REPS2: variants seen among roughly 807,000 people sequenced by gnomAD.
The protein encoded by REPS2 is ralBP1-associated Eps domain-containing protein 2.
REPS2 carries 23 observed loss-of-function variants against 53.6 expected under a neutral mutation model. The ratio of observed to expected loss-of-function variants is 0.43; its 90% CI spans 0.31 to 0.61. The LOEUF (loss-of-function observed/expected upper bound fraction) is 0.61, where lower values mean the gene tolerates loss of function less well. Among genes scored for constraint, REPS2 ranks in the 20% least tolerant of loss-of-function variants. The probability of loss-of-function intolerance (pLI) is 0.11; values close to 1 mark genes in which losing one functional copy is unlikely to be tolerated. For missense variants in REPS2, 446 were observed against 534.9 expected, an observed-to-expected ratio of 0.83 and a Z score of 1.64; for synonymous variants, 238 against 218.6, an observed-to-expected ratio of 1.09 and a Z score of -0.78.
intron 17 of REPS2, among the ~76,000 whole-genome samples, chrX:17,146,087 C>T (rs1373888700): frequency 8.9e-5 from 9 of 100,761 alleles, no homozygotes; most frequent in African/African-American, 2.2e-4. Flanking sequence ...CCAGCCTGGG[C>T]GACAGAGTGA....
chrX:17,146,097 A>C (rs1377365623), intron 17 of REPS2, among the ~76,000 whole-genome samples: 1 of 102,967 alleles, frequency 9.7e-6, no homozygotes, highest in Non-Finnish European at 2.0e-5. Flanking sequence ...CGACAGAGTG[A>C]GACTCTGTCT....
chrX:17,122,794 A>C (rs2063157920), intron 14 of REPS2, among the ~76,000 whole-genome samples: 1 of 111,969 alleles, frequency 8.9e-6, no homozygotes, highest in African/African-American at 3.3e-5. Flanking sequence ...CATTATTCTG[A>C]TGGACATGGC....
chrX:16,981,974 T>A (rs1354383146), intron 1 of REPS2, among the ~76,000 whole-genome samples: 1 of 111,067 alleles, frequency 9.0e-6, no homozygotes, highest in Non-Finnish European at 1.9e-5. Flanking sequence ...TGCCCCCCAG[T>A]TTTCTAACCC....
chrX:17,147,489 A>G lies in REPS2; in HGVS notation c.*8A>G, dbSNP rs754348932. The G allele has an allele frequency of 6.8e-6, 8 of 1,180,212 alleles. No homozygotes were observed. The highest frequency in any genetic ancestry group is 3.0e-5 in the East Asian group (1 of 33,437). ...CCGGTCACTGTGTTGTGACCCCCCC[A>G]TGGTTCAAGTGACAGTGGGTGACCT... On this transcript the variant is annotated 3_prime_UTR_variant, in exon 18 of 18. Coordinates refer to ENST00000357277, the MANE Select transcript of REPS2 (RefSeq NM_004726.3).
At chrX:17,074,082 G>A (rs189145906) in intron 11 of REPS2, 32 bp from the exon 12 acceptor site, 15 of 1,197,186 alleles carry the variant, frequency 1.3e-5, no homozygotes, top group Middle Eastern at 2.3e-4. Flanking sequence ...TTTAACTGCA[G>A]AAATGAAACC....
At chrX:17,034,783 A>G (rs984317372) in intron 5 of REPS2, among the ~76,000 whole-genome samples, 2 of 111,712 alleles carry the variant, frequency 1.8e-5, no homozygotes, top group Non-Finnish European at 3.8e-5. Flanking sequence ...TTCTTCAGAG[A>G]TGAAAAAATG....
At chrX:17,166,542 C>T in the REPS2 span, among the ~76,000 whole-genome samples, 31 of 112,362 alleles carry the variant, frequency 2.8e-4, 1 homozygote, top group Admixed American at 1.8e-3. Flanking sequence ...TGTAGTCATT[C>T]TTTGCAAAGG....
intron 2 of REPS2, among the ~76,000 whole-genome samples, chrX:17,006,688 C>T (rs910211976): frequency 7.2e-5 from 8 of 111,644 alleles, no homozygotes; most frequent in South Asian, 3.7e-4. Context: ...TTATTGAAGG[C>T]TCTGTTAGAG....
chrX:16,954,996 A>G (rs745587143), intron 1 of REPS2, among the ~76,000 whole-genome samples: 2 of 108,365 alleles, frequency 1.8e-5, no homozygotes, highest in Admixed American at 9.9e-5. Flanking sequence ...ATTTTTTAGT[A>G]GAGATGGGGT....
the REPS2 span, among the ~76,000 whole-genome samples, chrX:17,175,587 C>T: frequency 1.8e-5 from 2 of 112,157 alleles, no homozygotes; most frequent in Non-Finnish European, 3.8e-5. Context: ...CATCAGGGCC[C>T]ATCCTTGGCT....
At chrX:17,186,056 T>C in the REPS2 span, among the ~76,000 whole-genome samples, 1 of 112,849 alleles carries the variant, frequency 8.9e-6, no homozygotes, top group Admixed American at 9.3e-5. Context: ...TCCTCACACC[T>C]GAACTGTTTC....
chrX:16,951,558 CA>C (rs1464243363), intron 1 of REPS2, among the ~76,000 whole-genome samples: 1,766 of 23,360 alleles, frequency 0.076, 95 homozygotes, highest in East Asian at 0.37. Flanking sequence ...CACACACACA[CA>C]CCCCCGCTAC....
At chrX:17,050,178 CTTTCTTTCTTTCTTTCTTTT>C (rs1402337089) in intron 6 of REPS2, among the ~76,000 whole-genome samples, 2 of 50,810 alleles carry the variant, frequency 3.9e-5, no homozygotes, top group African/African-American at 1.8e-4. Flanking sequence ...TTCTTTCTTT[CTTTCTTTCTTTCTTTCTTTT>C]TTTTTTTTTT....
chrX:16,958,996 T>C (rs1053296016), intron 1 of REPS2, among the ~76,000 whole-genome samples: 2 of 112,375 alleles, frequency 1.8e-5, no homozygotes, highest in Non-Finnish European at 3.8e-5. Context: ...GAGGGTTGGA[T>C]AGGAGTGACT....
intron 13 of REPS2, among the ~76,000 whole-genome samples, chrX:17,094,883 T>C (rs755697196): frequency 1.0e-3 from 115 of 111,322 alleles, no homozygotes; most frequent in Non-Finnish European, 1.5e-3. Context: ...CCATGGATAT[T>C]TTCCCAATAC....
intron 1 of REPS2, among the ~76,000 whole-genome samples, chrX:16,979,795 C>CTT (rs371364287): frequency 0.024 from 2,455 of 101,857 alleles, 74 homozygotes; most frequent in African/African-American, 0.082. Context: ...TAGGTTATTA[C>CTT]TTTTTTTTTT....
At chrX:17,178,888 C>CAAA in the REPS2 span, among the ~76,000 whole-genome samples, 126 of 65,391 alleles carry the variant, frequency 1.9e-3, no homozygotes, top group East Asian at 6.6e-3. Flanking sequence ...GACTCGGTCT[C>CAAA]AAAAAAAAAA....
chrX:17,092,444 A>C (rs1391009909), intron 13 of REPS2, among the ~76,000 whole-genome samples: 2 of 111,156 alleles, frequency 1.8e-5, no homozygotes, highest in African/African-American at 6.5e-5. Flanking sequence ...CTGTCTTCTG[A>C]ATTTAGGATT....
intron 1 of REPS2, among the ~76,000 whole-genome samples, chrX:16,952,058 T>C (rs1175518301): frequency 8.0e-5 from 9 of 112,176 alleles, no homozygotes; most frequent in African/African-American, 1.9e-4. Context: ...TATACACATA[T>C]GCTCCAGATC....
Sources: allele counts gnomAD v4.1 joint callset (sites outside exome capture counted in the v4.1 genomes callset), GRCh38; gene constraint gnomAD v4.1.1; transcripts MANE v1.5; gene names NCBI Gene and HGNC (gene_info 2026-07-23, HGNC 2026-07-21).